Variants in MID1 observed in about 807,000 individuals in gnomAD.
MID1 encodes E3 ubiquitin-protein ligase Midline-1.
Under a neutral mutation model 40.4 loss-of-function variants are expected in MID1, and 7 were observed. The observed-to-expected ratio is 0.17, with a 90% CI of 0.10 to 0.33. The LOEUF (loss-of-function observed/expected upper bound fraction) is 0.33. Among genes scored for constraint, MID1 ranks in the 10% least tolerant of loss-of-function variants. The pLI is 1.00. For synonymous variants in MID1, 229 were observed against 221.2 expected (o/e 1.04, Z -0.31); for missense variants, 367 against 558.5 (o/e 0.66, Z 3.46).
intron 1 of MID1, among the ~76,000 whole-genome samples, chrX:10,745,968 G>T (rs1003260999): frequency 5.3e-5 from 6 of 112,211 alleles, no homozygotes; most frequent in Non-Finnish European, 9.4e-5. Flanking sequence ...TCTGTTCACC[G>T]AAACAGACCC....
At chrX:10,511,269 G>A (rs775769704) in intron 3 of MID1, among the ~76,000 whole-genome samples, 1 of 110,251 alleles carries the variant, frequency 9.1e-6, no homozygotes, top group African/African-American at 3.3e-5. Flanking sequence ...AAAATTACGT[G>A]TTTCAAATTA....
chrX:10,705,656 C>G (rs1030198738), intron 1 of MID1, among the ~76,000 whole-genome samples: 10 of 111,840 alleles, frequency 8.9e-5, no homozygotes, highest in Admixed American at 3.8e-4. Flanking sequence ...TTTAACCTTA[C>G]AACAGCTCCA....
At chrX:10,683,768 A>ATTTTT (rs2043074650) in intron 1 of MID1, among the ~76,000 whole-genome samples, 2 of 72,994 alleles carry the variant, frequency 2.7e-5, no homozygotes, top group African/African-American at 1.5e-4. Flanking sequence ...ATTGCACGTC[A>ATTTTT]TCTTTTTTTT....
At chrX:10,561,356 A>G (rs1934331545) in intron 2 of MID1, among the ~76,000 whole-genome samples, 1 of 107,270 alleles carries the variant, frequency 9.3e-6, no homozygotes, top group Non-Finnish European at 1.9e-5. Flanking sequence ...ACAAAAGCCA[A>G]AATTGACAAA....
intron 1 of MID1, among the ~76,000 whole-genome samples, chrX:10,726,827 A>G (rs995432302): frequency 8.9e-6 from 1 of 112,782 alleles, no homozygotes; most frequent in East Asian, 2.8e-4. Flanking sequence ...AGTGTGGGCC[A>G]AGGAGCCATG....
chrX:10,609,340 T>G (rs1340002657), intron 1 of MID1, among the ~76,000 whole-genome samples: 1 of 112,136 alleles, frequency 8.9e-6, no homozygotes, highest in Non-Finnish European at 1.9e-5. Flanking sequence ...CTCTGAAACC[T>G]TAAGTTTGTA....
intron 2 of MID1, among the ~76,000 whole-genome samples, chrX:10,551,664 T>C (rs1933914792): frequency 8.9e-6 from 1 of 112,449 alleles, no homozygotes; most frequent in African/African-American, 3.2e-5. Flanking sequence ...CTTTTCAGAA[T>C]GCTCTTATTG....
chrX:10,469,892 C>T, intron 6 of MID1, 52 bp from the exon 7 acceptor site: 1 of 1,133,390 alleles, frequency 8.8e-7, no homozygotes, highest in South Asian at 1.8e-5. Flanking sequence ...AACTGGGATA[C>T]CATTTCAGAG....
intron 8 of MID1, among the ~76,000 whole-genome samples, chrX:10,456,969 A>ACTT (rs1326799859): frequency 8.9e-6 from 1 of 112,376 alleles, no homozygotes; most frequent in East Asian, 2.8e-4. Context: ...TTAAATTTTG[A>ACTT]CTTGTAAAAA....
At chrX:10,548,238 T>A (rs1205427416) in intron 2 of MID1, among the ~76,000 whole-genome samples, 1 of 111,342 alleles carries the variant, frequency 9.0e-6, no homozygotes, top group Non-Finnish European at 1.9e-5. Context: ...AAGCTCCCTC[T>A]CCATGAGGCT....
intron 3 of MID1, among the ~76,000 whole-genome samples, chrX:10,510,416 A>G (rs1052961000): frequency 6.2e-5 from 7 of 112,154 alleles, no homozygotes; most frequent in Non-Finnish European, 1.3e-4. Context: ...TCAATTTAAC[A>G]CATTTGATTT....
chrX:10,656,595 A>G (rs760251816), intron 1 of MID1, among the ~76,000 whole-genome samples: 3 of 111,491 alleles, frequency 2.7e-5, no homozygotes, highest in Non-Finnish European at 3.8e-5. Context: ...CCTAGATCTG[A>G]ACCCTTTCTG....
chrX:10,478,940 G>A (rs1233810915), intron 5 of MID1, among the ~76,000 whole-genome samples: 4 of 111,763 alleles, frequency 3.6e-5, no homozygotes, highest in African/African-American at 9.8e-5. Flanking sequence ...ATAGGAGACA[G>A]AAAAAAGAAG....
chrX:10,771,106 A>AC (rs1491234694), intron 1 of MID1, among the ~76,000 whole-genome samples: 1 of 87,978 alleles, frequency 1.1e-5, no homozygotes, highest in African/African-American at 5.7e-5. Context: ...CTGTCTCAAG[A>AC]AAAAAAAAAA....
At chrX:10,801,197 T>TA (rs200099668) in intron 1 of MID1, among the ~76,000 whole-genome samples, 2,837 of 110,419 alleles carry the variant, frequency 0.026, 110 homozygotes, top group African/African-American at 0.088. Context: ...TATGTGGAAG[T>TA]AAAAAAAAAT....
At chrX:10,741,420 T>A (rs1197630034) in intron 1 of MID1, among the ~76,000 whole-genome samples, 1 of 109,320 alleles carries the variant, frequency 9.1e-6, no homozygotes, top group Non-Finnish European at 1.9e-5. Flanking sequence ...ATTAAGTAAG[T>A]GATAACAACA....
At chrX:10,546,556 C>G (rs896751590) in intron 2 of MID1, among the ~76,000 whole-genome samples, 7 of 111,460 alleles carry the variant, frequency 6.3e-5, no homozygotes, top group Admixed American at 1.9e-4. Context: ...AAGACAATCT[C>G]AAGTGCAGAA....
At chrX:10,518,174 T>C (rs1222352599) in intron 3 of MID1, among the ~76,000 whole-genome samples, 1 of 112,085 alleles carries the variant, frequency 8.9e-6, no homozygotes, top group Non-Finnish European at 1.9e-5. Flanking sequence ...TAAGCAAAAT[T>C]ATCCAAAACA....
chrX:10,822,499 A>G (rs1293473334), intron 1 of MID1, among the ~76,000 whole-genome samples: 1 of 112,290 alleles, frequency 8.9e-6, no homozygotes, highest in South Asian at 3.6e-4. Context: ...ATGACATCTA[A>G]TTAAAGAGCT....
Sources: allele counts gnomAD v4.1 joint callset (sites outside exome capture counted in the v4.1 genomes callset), GRCh38; gene constraint gnomAD v4.1.1; transcripts MANE v1.5; gene names NCBI Gene and HGNC (gene_info 2026-07-23, HGNC 2026-07-21).